The following ENTPD7 variants were observed in gnomAD, a reference collection of about 807,000 sequenced individuals.
ENTPD7 encodes the protein ectonucleoside triphosphate diphosphohydrolase 7.
ENTPD7 carries 53 observed loss-of-function variants against 77.9 expected under a neutral mutation model. The observed-to-expected ratio is 0.68, with a 90% CI of 0.55 to 0.85. The LOEUF is 0.85. Among genes scored for constraint, ENTPD7 ranks in the 40% least tolerant of loss-of-function variants. ENTPD7 has a pLI of 0.00. For synonymous variants in ENTPD7, 248 were observed against 274.9 expected (o/e 0.90, Z 0.97); for missense variants, 636 against 743.7 (o/e 0.86, Z 1.68).
intron 3 of ENTPD7, among the ~76,000 whole-genome samples, chr10:99,676,915 TC>T (rs1260361485): frequency 6.6e-6 from 1 of 152,232 alleles, no homozygotes; most frequent in Non-Finnish European, 1.5e-5. Context: ...GAAGCTCAGT[TC>T]CCTGTTCTCT....
intron 8 of ENTPD7, among the ~76,000 whole-genome samples, chr10:99,694,877 G>T (rs2035945933): frequency 6.6e-6 from 1 of 152,124 alleles, no homozygotes; most frequent in African/African-American, 2.4e-5. Flanking sequence ...GAGTGAAATT[G>T]CAGGGCACAA....
At chr10:99,695,829 T>C in intron 8 of ENTPD7, 127 bp from the exon 9 acceptor site, 1 of 850,552 alleles carries the variant, frequency 1.2e-6, no homozygotes, top group South Asian at 2.3e-5. Flanking sequence ...GCTATGAGGA[T>C]GAAAGAATGC....
At chr10:99,698,196 C>T (rs11596177) in intron 9 of ENTPD7, among the ~76,000 whole-genome samples, 14,611 of 152,266 alleles carry the variant, frequency 0.096, 900 homozygotes, top group East Asian at 0.21. Flanking sequence ...TAGAACCACA[C>T]TCCGCACGAT....
chr10:99,691,613 T>C, intron 8 of ENTPD7, 95 bp downstream of exon 8: 5 of 1,368,546 alleles, frequency 3.7e-6, no homozygotes, highest in Non-Finnish European at 5.0e-6. Context: ...TACCTGGCTC[T>C]AAATATTTGT....
intron 6 of ENTPD7, among the ~76,000 whole-genome samples, chr10:99,687,259 CTTTT>C (rs71009768): frequency 6.8e-5 from 2 of 29,522 alleles, no homozygotes; most frequent in Non-Finnish European, 1.1e-4. Context: ...TTCTTTCTTT[CTTTT>C]TTTTTTTTTT....
intron 7 of ENTPD7, among the ~76,000 whole-genome samples, chr10:99,690,239 C>G (rs2035863093): frequency 6.6e-6 from 1 of 152,076 alleles, no homozygotes; most frequent in Admixed American, 6.6e-5. Context: ...TTAAAAGAGC[C>G]CTGGTTTCTT....
intron 3 of ENTPD7, among the ~76,000 whole-genome samples, chr10:99,678,731 C>T (rs1160097982): frequency 1.4e-5 from 2 of 146,482 alleles, no homozygotes; most frequent in Non-Finnish European, 3.0e-5. Flanking sequence ...GAGCTGAGAT[C>T]GTGCCACTGC....
chr10:99,684,149 G>A (rs1244613318), intron 5 of ENTPD7, among the ~76,000 whole-genome samples: 3 of 152,172 alleles, frequency 2.0e-5, no homozygotes, highest in Admixed American at 6.5e-5. Context: ...TCCACCTCCC[G>A]GGTTCAAGCG....
intron 3 of ENTPD7, among the ~76,000 whole-genome samples, chr10:99,675,934 G>GT (rs544288532): frequency 6.5e-4 from 99 of 152,180 alleles, no homozygotes; most frequent in African/African-American, 2.3e-3. Flanking sequence ...TTGAGTTTTA[G>GT]TATAGTATCA....
intron 3 of ENTPD7, among the ~76,000 whole-genome samples, chr10:99,667,185 G>C (rs897710505): frequency 1.3e-5 from 2 of 152,220 alleles, no homozygotes; most frequent in African/African-American, 4.8e-5. Context: ...GAATGCTGTG[G>C]CTCAGAGCTC....
intron 9 of ENTPD7, 109 bp from the exon 10 acceptor site, chr10:99,698,425 T>C: frequency 9.4e-7 from 1 of 1,066,834 alleles, no homozygotes; most frequent in Non-Finnish European, 1.3e-6. Flanking sequence ...TCTAGAGATA[T>C]CATGAAAACC....
In ENTPD7 at chr10:99,704,555, C is replaced by T. The variant is rs1197633295; in HGVS notation, c.1687C>T (p.Leu563=). The change falls in exon 13 of 13, where the codon CTG becomes TTG. Residue 563 remains leucine, a synonymous_variant. Coordinates refer to ENST00000370489, the MANE Select transcript of ENTPD7 (RefSeq NM_020354.5). ...CTTTGCCTGTATCCTGGTGGTGCTACTGGCCATCTTCCTATACCTTCTGCG... is the reference window on the plus strand; with the variant it reads ...CTTTGCCTGTATCCTGGTGGTGCTATTGGCCATCTTCCTATACCTTCTGCG... The part of the protein sequence containing the change: ...LFFACILVVL[L]AIFLYLLRLR... 6.2e-7 allele frequency: 1 copy of T among 1,614,100 alleles called. No individual in the cohort carries two copies. The highest frequency in any genetic ancestry group is 8.5e-7 in the Non-Finnish European group (1 of 1,180,040).
rs1564640889 is a variant in ENTPD7, at chr10:99,709,771, CTTGTG to C, written c.*5091_*5095del. On this transcript the variant is annotated 3_prime_UTR_variant, in exon 13 of 13. Transcript: ENST00000370489. ...CTTCCTTATATCCTAATAGACTTCT[CTTGTG>C]TTATTACACATTTCTCTTTTGCTCT... 1 of 985,214 alleles carries C rather than the reference CTTGTG, an allele frequency of 1.0e-6. No individual in the cohort carries two copies. Among genetic ancestry groups the C allele is most frequent in the East Asian group, 1.1e-4 (1 of 8,826 alleles). 61.0% of individuals were successfully genotyped at this position (985,214 alleles called of 1,614,324 possible). A position where few individuals can be genotyped will look rare whatever the true frequency, so the allele number is the denominator to read the frequency against.
At chr10:99,692,811 G>T (rs2035905040) in intron 8 of ENTPD7, among the ~76,000 whole-genome samples, 1 of 152,112 alleles carries the variant, frequency 6.6e-6, no homozygotes, top group African/African-American at 2.4e-5. Flanking sequence ...AGTCACATGG[G>T]CCTCAGTTTC....
intron 3 of ENTPD7, among the ~76,000 whole-genome samples, chr10:99,663,587 G>A (rs2035513258): frequency 6.6e-6 from 1 of 151,684 alleles, no homozygotes; most frequent in Non-Finnish European, 1.5e-5. Flanking sequence ...AGCCTCCCGA[G>A]TAACTGGGAC....
rs1452132789 is a variant in ENTPD7, at chr10:99,679,891, C to T, written c.548+16C>T. 6.3e-7 allele frequency: 1 copy of T among 1,598,080 alleles called. No individual in the cohort carries two copies. Among genetic ancestry groups the T allele is most frequent in the East Asian group, 2.2e-5 (1 of 44,788 alleles). Reference sequence around the variant, plus strand: ...TCCCTGAGAGGTGAGATGCAGGGTACAGGAAACACAGGAAAACGGTGGCAC... The same window carrying T: ...TCCCTGAGAGGTGAGATGCAGGGTATAGGAAACACAGGAAAACGGTGGCAC... On this transcript the variant is annotated intron_variant, in intron 5 of 12. Transcript: ENST00000370489.
rs1434559682 is a variant in ENTPD7 at position 99,696,051 on chromosome 10, G to A, written c.939G>A (p.Leu313=). Residue 313 remains leucine (L), a synonymous_variant, in exon 9 of 13, where the codon CTG becomes CTA. Transcript: ENST00000370489. ...HVYRVYVTTF[L]GFGGNFARQR... ...ACAGGGTTTATGTCACAACTTTTCT[G>A]GGTTTCGGAGGCAACTTTGCCCGGC... The A allele has an allele frequency of 6.2e-7, 1 of 1,614,170 alleles. No individual in the cohort carries two copies. The highest frequency in any genetic ancestry group is 1.7e-5 in the Admixed American group (1 of 60,012).
rs2036323707 is a variant in ENTPD7 at position 99,709,660 on chromosome 10, CCT to C, written c.*4978_*4979del. On this transcript the variant is annotated 3_prime_UTR_variant, in exon 13 of 13. Transcript: ENST00000370489. ...GATCTAAGTTGGAAAGCTGTGGCAC[CCT>C]GTTTGGGTGTCCCATCTACCCTGTT... is the stretch of plus-strand genomic sequence containing the variant. The C allele has an allele frequency of 1.0e-6, 1 of 985,368 alleles. No individual in the cohort carries two copies. Among genetic ancestry groups the C allele is most frequent in the Non-Finnish European group, 1.2e-6 (1 of 829,924 alleles). The allele number at this position is 985,368 out of a possible 1,614,324, so 61.0% of individuals were successfully genotyped here.
At chr10:99,660,202 G>C in intron 2 of ENTPD7, 1 of 681,642 alleles carries the variant, frequency 1.5e-6, no homozygotes, top group Non-Finnish European at 1.8e-6. Context: ...GCTCTGTAAA[G>C]TGCAAGGTTG....
Sources: gnomAD v4.1 joint callset for allele counts (sites outside exome capture counted in the v4.1 genomes callset) on GRCh38, gnomAD v4.1.1 for gene constraint, MANE v1.5 for transcripts, NCBI Gene and HGNC (gene_info 2026-07-23, HGNC 2026-07-21) for gene names.